The following COP1 variants were observed in gnomAD, a reference collection of about 807,000 sequenced individuals.
The protein encoded by COP1 is E3 ubiquitin-protein ligase COP1.
In COP1, 24 loss-of-function variants were observed where a neutral mutation model predicts 101.3. The ratio of observed to expected loss-of-function variants is 0.24; its 90% CI spans 0.17 to 0.33. The LOEUF (loss-of-function observed/expected upper bound fraction) is 0.33. Ranked by LOEUF, COP1 falls within the 10% of genes least tolerant of loss-of-function variation. The probability of loss-of-function intolerance (pLI) is 1.00; values close to 1 mark genes in which losing one functional copy is unlikely to be tolerated. For synonymous variants in COP1, 347 were observed against 341.9 expected (o/e 1.01, Z -0.17); for missense variants, 663 against 906.2 (o/e 0.73, Z 3.45).
chr1:176,102,535 C>G (rs1430651562), intron 9 of COP1, among the ~76,000 whole-genome samples: 1 of 152,172 alleles, frequency 6.6e-6, no homozygotes, highest in African/African-American at 2.4e-5. Flanking sequence ...TCCAAGCTGT[C>G]CTTTTTCATT....
chr1:176,161,769 G>GT (rs957701598), intron 5 of COP1, among the ~76,000 whole-genome samples: 2 of 152,088 alleles, frequency 1.3e-5, no homozygotes, highest in Non-Finnish European at 2.9e-5. Context: ...GGTTAAAACC[G>GT]TAAGAGAAAT....
At chr1:176,190,697 T>C (rs1699028415) in intron 1 of COP1, among the ~76,000 whole-genome samples, 2 of 152,040 alleles carry the variant, frequency 1.3e-5, no homozygotes, top group South Asian at 4.1e-4. Context: ...TTTATATGCA[T>C]TATTTCCTTC....
intron 15 of COP1, among the ~76,000 whole-genome samples, chr1:176,009,240 C>T (rs1315624720): frequency 6.6e-6 from 1 of 152,124 alleles, no homozygotes; most frequent in Non-Finnish European, 1.5e-5. Flanking sequence ...TGATTATTTT[C>T]AACAATACTG....
At chr1:176,202,413 T>C (rs1700361438) in intron 1 of COP1, among the ~76,000 whole-genome samples, 1 of 152,138 alleles carries the variant, frequency 6.6e-6, no homozygotes, top group South Asian at 2.1e-4. Context: ...GGTCTCAAAC[T>C]CCTGGGTTCA....
chr1:176,168,226 T>A (rs1183258961), intron 3 of COP1, among the ~76,000 whole-genome samples: 1 of 151,744 alleles, frequency 6.6e-6, no homozygotes, highest in Non-Finnish European at 1.5e-5. Flanking sequence ...CTTGGCTAAT[T>A]TTTTGTATCT....
intron 15 of COP1, among the ~76,000 whole-genome samples, chr1:176,027,134 C>G (rs1337831772): frequency 6.6e-6 from 1 of 152,114 alleles, no homozygotes; most frequent in East Asian, 1.9e-4. Flanking sequence ...AAGACTATGT[C>G]TTATTCACTG....
intron 9 of COP1, among the ~76,000 whole-genome samples, chr1:176,110,201 T>C (rs1247572867): frequency 1.3e-5 from 2 of 152,214 alleles, no homozygotes; most frequent in African/African-American, 2.4e-5. Context: ...AAATAACATA[T>C]ATCCTTTGAT....
chr1:176,000,430 A>G (rs1048472828), intron 15 of COP1, among the ~76,000 whole-genome samples: 2 of 152,048 alleles, frequency 1.3e-5, no homozygotes, highest in African/African-American at 4.8e-5. Flanking sequence ...ACTTTTATTT[A>G]ACTGGGAGCA....
intron 15 of COP1, among the ~76,000 whole-genome samples, chr1:176,001,374 A>G (rs1396234789): frequency 2.0e-5 from 3 of 152,112 alleles, no homozygotes; most frequent in East Asian, 1.9e-4. Context: ...ATTTTCAGCG[A>G]TTGAGTATAG....
intron 14 of COP1, among the ~76,000 whole-genome samples, chr1:176,037,661 G>T (rs1182009557): frequency 1.3e-5 from 2 of 152,012 alleles, no homozygotes; most frequent in Non-Finnish European, 2.9e-5. Context: ...GAAAGTCAAT[G>T]ACTATAATTC....
At position 175,972,246 on chromosome 1, in the gene COP1, T is replaced by C. The variant is rs1653393413; in HGVS notation, c.2133+14697A>G. Among the ~76,000 whole-genome samples, 6 of 152,156 alleles carry C rather than the reference T, an allele frequency of 3.9e-5. No homozygotes were observed. In the South Asian group the frequency reaches 1.2e-3, roughly 32 times the overall value. ...TCCTATCCCAAGTAACTAATAATTC[T>C]AAAGCAGGTGATCAACAGACCATAC... is the stretch of plus-strand genomic sequence containing the variant. On this transcript the variant is annotated intron_variant, in intron 18 of 19. Coordinates refer to ENST00000367669, the MANE Select transcript of COP1 (RefSeq NM_022457.7).
At chr1:176,115,256 C>T (rs532185118) in intron 9 of COP1, among the ~76,000 whole-genome samples, 1 of 151,840 alleles carries the variant, frequency 6.6e-6, no homozygotes, top group Admixed American at 6.6e-5. Context: ...TGAGACCAGC[C>T]TGGCCAACAT....
At chr1:175,983,596 A>C (rs1656397190) in intron 18 of COP1, among the ~76,000 whole-genome samples, 1 of 152,208 alleles carries the variant, frequency 6.6e-6, no homozygotes, top group African/African-American at 2.4e-5. Flanking sequence ...AAGATACCCC[A>C]AAATGTGGAA....
intron 5 of COP1, among the ~76,000 whole-genome samples, chr1:176,156,062 T>C (rs1405537929): frequency 1.3e-5 from 2 of 151,856 alleles, no homozygotes; most frequent in Admixed American, 1.3e-4. Context: ...TATTTTGGTA[T>C]CCTATCTTCA....
chr1:176,032,192 C>G (rs1259271096), intron 14 of COP1, among the ~76,000 whole-genome samples: 1 of 152,150 alleles, frequency 6.6e-6, no homozygotes, highest in Non-Finnish European at 1.5e-5. Flanking sequence ...CCAGGTCCTA[C>G]AGAAAACAGA....
chr1:175,974,911 A>C (rs1654131075), intron 18 of COP1, among the ~76,000 whole-genome samples: 2 of 135,808 alleles, frequency 1.5e-5, no homozygotes, highest in Admixed American at 1.5e-4. Flanking sequence ...TGACAGACCA[A>C]GACCCTGTCT....
At chr1:176,009,887 G>GT (rs1403929273) in intron 15 of COP1, among the ~76,000 whole-genome samples, 1 of 137,406 alleles carries the variant, frequency 7.3e-6, no homozygotes, top group South Asian at 2.5e-4. Flanking sequence ...TGGGGGGGGG[G>GT]GGTCCGCAAT....
At chr1:176,046,353 A>T (rs756055048) in intron 11 of COP1, 29 bp from the exon 12 acceptor site, 1 of 1,592,038 alleles carries the variant, frequency 6.3e-7, no homozygotes, top group Non-Finnish European at 8.5e-7. Context: ...TAATGACAAC[A>T]TTTCAGAATT....
intron 15 of COP1, among the ~76,000 whole-genome samples, chr1:176,006,426 G>A (rs1454923228): frequency 1.3e-5 from 2 of 152,154 alleles, no homozygotes; most frequent in African/African-American, 4.8e-5. Context: ...GTTAGTTGAT[G>A]CAGTTTCTTC....
Sources: allele counts gnomAD v4.1 joint callset (sites outside exome capture counted in the v4.1 genomes callset), GRCh38; gene constraint gnomAD v4.1.1; transcripts MANE v1.5; gene names NCBI Gene and HGNC (gene_info 2026-07-23, HGNC 2026-07-21).